Variants in ITGB3 observed in about 807,000 individuals in gnomAD.
ITGB3 encodes the protein integrin beta-3.
In ITGB3, 48 loss-of-function variants were observed where a neutral mutation model predicts 85.8. That is an observed-to-expected ratio of 0.56 (90% CI 0.44 to 0.71). ITGB3 has a LOEUF of 0.71. Among genes scored for constraint, ITGB3 ranks in the 30% least tolerant of loss-of-function variants. The pLI, the probability that ITGB3 is intolerant of heterozygous loss-of-function variation, is 0.00. For synonymous variants in ITGB3, 363 were observed against 395.6 expected (o/e 0.92, Z 0.98); for missense variants, 861 against 1,019.1 (o/e 0.84, Z 2.11).
chr17:47,287,993 T>G (rs967303305), intron 6 of ITGB3, among the ~76,000 whole-genome samples: 2 of 143,352 alleles, frequency 1.4e-5, no homozygotes, highest in Non-Finnish European at 3.0e-5. Context: ...AGTGCAATCT[T>G]GGCTCACAAG....
chr17:47,302,654 G>A lies in ITGB3; in HGVS notation c.2015-67G>A, dbSNP rs897816831. On this transcript the variant is annotated intron_variant, in intron 12 of 14. Transcript: ENST00000559488. ...ACTTCCCTGGAAGTCCTGTGATAGG[G>A]GTTTGGAGTGGTCCCATCTTCCAGT... 2.5e-6 allele frequency: 4 copies of A among 1,588,166 alleles called. No homozygotes were observed. In the African/African-American group the frequency reaches 5.4e-5, roughly 21 times the overall value.
intron 10 of ITGB3, among the ~76,000 whole-genome samples, chr17:47,297,215 T>C (rs1261668567): frequency 6.6e-6 from 1 of 152,204 alleles, no homozygotes; most frequent in Non-Finnish European, 1.5e-5. Flanking sequence ...GCATAGAGGC[T>C]AAGCACTTGG....
chr17:47,289,106 G>C (rs1852252531), intron 6 of ITGB3, among the ~76,000 whole-genome samples: 1 of 152,176 alleles, frequency 6.6e-6, no homozygotes, highest in South Asian at 2.1e-4. Flanking sequence ...CCACACGGTG[G>C]AGGATCACGA....
intron 14 of ITGB3, among the ~76,000 whole-genome samples, chr17:47,309,434 C>T (rs1156370390): frequency 6.6e-6 from 1 of 152,122 alleles, no homozygotes; most frequent in African/African-American, 2.4e-5. Flanking sequence ...CTGAATTGCA[C>T]CTGATACATT....
At chr17:47,293,724 C>T (rs202237330) in intron 10 of ITGB3, among the ~76,000 whole-genome samples, 108 of 152,256 alleles carry the variant, frequency 7.1e-4, no homozygotes, top group East Asian at 1.2e-3. Flanking sequence ...TCTCCTGCCT[C>T]AGCCTCCCGA....
intron 1 of ITGB3, among the ~76,000 whole-genome samples, chr17:47,263,540 A>G (rs2143039355): frequency 7.5e-6 from 1 of 134,012 alleles, no homozygotes; most frequent in Admixed American, 9.0e-5. Flanking sequence ...CACAGGCTGG[A>G]GTGCAGTGGC....
At position 47,310,257 on chromosome 17, in the gene ITGB3, T is replaced by A; in HGVS notation, c.*53T>A. The A allele has an allele frequency of 1.3e-6, 2 of 1,494,736 alleles. No homozygotes were observed. Among genetic ancestry groups the A allele is most frequent in the Non-Finnish European group, 1.9e-6 (2 of 1,071,662 alleles). 92.6% of individuals were successfully genotyped at this position (1,494,736 alleles called of 1,614,324 possible). A position where few individuals can be genotyped will look rare whatever the true frequency, so the allele number is the denominator to read the frequency against. The stretch of plus-strand genomic sequence containing the variant: ...TCAGCCTGTGCCACGATTGCAGGAG[T>A]CCCTGCCATCATGTTTACAGAGGAC... On this transcript the variant is annotated 3_prime_UTR_variant, in exon 15 of 15. Transcript: ENST00000559488.
At chr17:47,274,677 G>A (rs2065056741) in intron 2 of ITGB3, among the ~76,000 whole-genome samples, 173 bp downstream of exon 2, 1 of 152,242 alleles carries the variant, frequency 6.6e-6, no homozygotes, top group Non-Finnish European at 1.5e-5. Context: ...TCATGGGGAT[G>A]TTGCTGGGAA....
chr17:47,283,316 C>T, intron 2 of ITGB3, 38 bp from the exon 3 acceptor site: 2 of 1,608,578 alleles, frequency 1.2e-6, no homozygotes, highest in Non-Finnish European at 1.7e-6. Flanking sequence ...CGCCATAGCT[C>T]TGATTGCTGG....
chr17:47,291,280 T>C, intron 9 of ITGB3, 192 bp downstream of exon 9: 1 of 644,464 alleles, frequency 1.6e-6, no homozygotes, highest in South Asian at 1.9e-5. Flanking sequence ...AGGCTTCTGT[T>C]GCGTAAGCCA....
intron 1 of ITGB3, among the ~76,000 whole-genome samples, chr17:47,255,705 C>T (rs2064986911): frequency 6.6e-6 from 1 of 152,170 alleles, no homozygotes; most frequent in South Asian, 2.1e-4. Context: ...CAGGCGTGAG[C>T]CACCGCACCC....
In ITGB3 at chr17:47,299,621, C is replaced by A; in HGVS notation, c.1913+91C>A. 1 of 1,207,818 alleles carries A rather than the reference C, an allele frequency of 8.3e-7. No individual in the cohort carries two copies. Among genetic ancestry groups the A allele is most frequent in the Non-Finnish European group, 1.2e-6 (1 of 834,262 alleles). The allele number at this position is 1,207,818 out of a possible 1,614,324, so 74.8% of individuals were successfully genotyped here. On this transcript the variant is annotated intron_variant, in intron 11 of 14. Coordinates refer to ENST00000559488, the MANE Select transcript of ITGB3 (RefSeq NM_000212.3). This position sits in a 1 kb window ranked among gnomAD's most constrained non-coding sequence, Gnocchi z 5.1. Reference sequence around the variant, plus strand: ...CCCAGCTCTCCAGGTGTGTTTCTTGCTCACCAGAGCCTTAGGGAGAGGAGT... The same window carrying A: ...CCCAGCTCTCCAGGTGTGTTTCTTGATCACCAGAGCCTTAGGGAGAGGAGT...
At chr17:47,309,887 C>A (rs1459313159) in intron 14 of ITGB3, among the ~76,000 whole-genome samples, 6 of 129,050 alleles carry the variant, frequency 4.6e-5, no homozygotes, top group African/African-American at 1.6e-4. Context: ...CAAAATGAGA[C>A]CCTGTCTGAA....
chr17:47,275,009 G>C (rs116405545), intron 2 of ITGB3, among the ~76,000 whole-genome samples: 1 of 152,114 alleles, frequency 6.6e-6, no homozygotes, highest in South Asian at 2.1e-4. Context: ...AAAAGGAGAG[G>C]CAGCAAGGGG....
chr17:47,300,338 C>CGCGT (rs2086217121), intron 11 of ITGB3, 140 bp from the exon 12 acceptor site: 1 of 665,816 alleles, frequency 1.5e-6, no homozygotes, highest in South Asian at 1.6e-5. Flanking sequence ...CTTACAGGCG[C>CGCGT]GCGCGCGCGT....
At chr17:47,271,058 G>A (rs2065042675) in intron 1 of ITGB3, among the ~76,000 whole-genome samples, 1 of 152,226 alleles carries the variant, frequency 6.6e-6, no homozygotes, top group Non-Finnish European at 1.5e-5. Flanking sequence ...CTGGAGCTGA[G>A]CTGGGCAGGG....
intron 1 of ITGB3, among the ~76,000 whole-genome samples, chr17:47,267,645 A>G (rs1428355228): frequency 1.3e-5 from 2 of 152,254 alleles, no homozygotes; most frequent in Non-Finnish European, 2.9e-5. Context: ...CTCTGCAGGC[A>G]TGATTTCCTA....
In ITGB3 at chr17:47,253,908, C is replaced by A. The variant is rs2064977275; in HGVS notation, c.47C>A (p.Ala16Glu). ...CGGCCGCTCTGGGCGACTGTGCTGG[C>A]GCTGGGGGCGCTGGCGGGCGTTGGC... ...RPRPLWATVL[A>E]LGALAGVGVG... The change falls in exon 1 of 15, where the codon GCG (alanine) becomes GAG (glutamate). Residue 16 changes from alanine (A) to glutamate (E), a missense_variant. By Grantham distance (107) the Ala-to-Glu change is moderately radical. Coordinates refer to ENST00000559488, the MANE Select transcript of ITGB3 (RefSeq NM_000212.3). 2.8e-6 allele frequency: 4 copies of A among 1,404,836 alleles called. No homozygotes were observed. The highest frequency in any genetic ancestry group is 3.7e-6 in the Non-Finnish European group (4 of 1,073,604). The allele number at this position is 1,404,836 out of a possible 1,614,324, so 87.0% of individuals were successfully genotyped here. A position where few individuals can be genotyped will look rare whatever the true frequency, so the allele number is the denominator to read the frequency against.
At chr17:47,293,671 C>T (rs1021535956) in intron 10 of ITGB3, among the ~76,000 whole-genome samples, 1 of 151,316 alleles carries the variant, frequency 6.6e-6, no homozygotes, top group Non-Finnish European at 1.5e-5. Flanking sequence ...TGCAGTGGTG[C>T]GATATTGGCT....
Sources: gnomAD v4.1 joint callset for allele counts (sites outside exome capture counted in the v4.1 genomes callset) on GRCh38, gnomAD v4.1.1 for gene constraint, Gnocchi (gnomAD v3.1) non-coding constraint, MANE v1.5 for transcripts, NCBI Gene and HGNC (gene_info 2026-07-23, HGNC 2026-07-21) for gene names.